The following C9orf50 variants were observed in gnomAD, a reference collection of about 807,000 sequenced individuals.
C9orf50 encodes the protein uncharacterized protein C9orf50.
C9orf50 carries 33 observed loss-of-function variants against 42.5 expected under a neutral mutation model. The observed-to-expected ratio is 0.78, with a 90% confidence interval of 0.59 to 1.04. The LOEUF (loss-of-function observed/expected upper bound fraction) is 1.04, where lower values mean the gene tolerates loss of function less well. C9orf50 is among the 50% of genes least tolerant of loss of function. The pLI, the probability that C9orf50 is intolerant of heterozygous loss-of-function variation, is 0.00. For synonymous variants in C9orf50, 257 were observed against 273.4 expected (o/e 0.94, Z 0.59); for missense variants, 547 against 594.3 (o/e 0.92, Z 0.83).
At chr9:129,617,942 C>T (rs963719493) in intron 3 of C9orf50, among the ~76,000 whole-genome samples, 14 of 152,204 alleles carry the variant, frequency 9.2e-5, no homozygotes, top group African/African-American at 3.4e-4. Context: ...CCTCAGCCTC[C>T]CAAAGCACTG....
rs1259489797 is a variant in C9orf50, at chr9:129,613,440, A to G, written c.1038T>C (p.Ala346=). Residue 346 remains alanine (A), a synonymous_variant, in exon 5 of 7, where the codon GCT becomes GCC. Coordinates refer to ENST00000372478, the Ensembl canonical transcript of C9orf50. The surrounding 1 kb of genome is among the most constrained non-coding windows in gnomAD (Gnocchi z 6.2). Reference sequence around the variant, plus strand: ...CCGCTTCCCTGGAGCCTCACAGGCCAGCGCAGTCCCAACACGAGGAGCTGG... The same window carrying G: ...CCGCTTCCCTGGAGCCTCACAGGCCGGCGCAGTCCCAACACGAGGAGCTGG... 3.7e-6 allele frequency: 6 copies of G among 1,613,812 alleles called. No individual in the cohort carries two copies. The highest frequency in any genetic ancestry group is 5.1e-6 in the Non-Finnish European group (6 of 1,180,014).
intron 3 of C9orf50, among the ~76,000 whole-genome samples, chr9:129,618,854 G>A (rs1405791808): frequency 1.1e-4 from 15 of 141,046 alleles, no homozygotes; most frequent in Admixed American, 3.7e-4. Flanking sequence ...CACCACGCCC[G>A]GCTAATTTTT....
rs1229495848 is a variant in C9orf50, at chr9:129,620,092, C to T, written c.483G>A (p.Lys161=). Residue 161 remains lysine (K), a synonymous_variant, in exon 1 of 7, where the codon AAG becomes AAA. Coordinates refer to ENST00000372478, the Ensembl canonical transcript of C9orf50. The surrounding 1 kb of genome is among the most constrained non-coding windows in gnomAD (Gnocchi z 5.8). ...TCAGTGGCTCCGGCTCCTCGGCGCA[C>T]TTCTCCTGGAGCTGGTGCAGGAACT... 6.9e-7 allele frequency: 1 copy of T among 1,451,508 alleles called. No individual in the cohort carries two copies. Among genetic ancestry groups the T allele is most frequent in the African/African-American group, 1.4e-5 (1 of 69,530 alleles). 89.9% of individuals were successfully genotyped at this position (1,451,508 alleles called of 1,614,324 possible).
Position 129,613,567 on chromosome 9 carries a change from G to A in C9orf50, c.911C>T (p.Ala304Val), listed in dbSNP as rs1024080988. The A allele has an allele frequency of 8.1e-6, 13 of 1,614,142 alleles. No homozygotes were observed. ...CCGCTCGGACGCCACTGGCAGGGCG[G>A]CCTTCTGGTTCACAATGACGCTCTG... The change falls in exon 5 of 7, where the codon GCC becomes GTC. Residue 304 changes from alanine (A) to valine (V), a missense_variant. This residue lies in a region of C9orf50 where 334 missense variants were observed against 323.7 expected (regional missense o/e 1.03). Coordinates refer to ENST00000372478, the Ensembl canonical transcript of C9orf50. The surrounding 1 kb of genome is among the most constrained non-coding windows in gnomAD (Gnocchi z 6.2).
chr9:129,621,740 G>A (rs1389736657), upstream of C9orf50, among the ~76,000 whole-genome samples: 2 of 152,076 alleles, frequency 1.3e-5, no homozygotes, highest in Non-Finnish European at 2.9e-5. Context: ...CTGACACTGA[G>A]GGGTTTCTAA....
upstream of C9orf50, chr9:129,620,923 A>C: frequency 4.4e-6 from 1 of 228,238 alleles, no homozygotes; most frequent in Non-Finnish European, 8.5e-6. This position sits in a 1 kb window ranked among gnomAD's most constrained non-coding sequence, Gnocchi z 5.8. Context: ...TAGTATTTCA[A>C]AGTTATTATT....
rs992176585 is a variant in C9orf50 at position 129,614,444 on chromosome 9, G to C, written c.881-847C>G. Among the ~76,000 whole-genome samples the C allele has an allele frequency of 6.6e-6, 1 of 152,220 alleles. No individual in the cohort carries two copies. The highest frequency in any genetic ancestry group is 2.4e-5 in the African/African-American group (1 of 41,452). The stretch of plus-strand genomic sequence containing the variant: ...CAGACATTTCCTGAAACTGCACATA[G>C]TGGGTGCTCAATAAACAGCTAGAGG... On this transcript the variant is annotated intron_variant, in intron 4 of 6. Transcript: ENST00000372478. This position sits in a 1 kb window ranked among gnomAD's most constrained non-coding sequence, Gnocchi z 4.4.
At chr9:129,615,719 C>T (rs1231686239) in intron 3 of C9orf50, 72 bp from the exon 4 acceptor site, 2 of 1,439,790 alleles carry the variant, frequency 1.4e-6, no homozygotes, top group Non-Finnish European at 1.8e-6. Context: ...CAGCCCCAGA[C>T]TCGCTGTGAG....
At position 129,614,267 on chromosome 9, in the gene C9orf50, C is replaced by A. The variant is rs900775633; in HGVS notation, c.881-670G>T. ...ACACAAGCCCATCCTGCTTCTGGGG[C>A]CTTGGTTTCCCCACCAAACAAACAG... On this transcript the variant is annotated intron_variant, in intron 4 of 6. Coordinates refer to ENST00000372478, the Ensembl canonical transcript of C9orf50. This position sits in a 1 kb window ranked among gnomAD's most constrained non-coding sequence, Gnocchi z 4.4. 4.6e-5 allele frequency among the ~76,000 whole-genome samples: 7 copies of A among 152,214 alleles called. No homozygotes were observed. The highest frequency in any genetic ancestry group is 4.6e-4 in the Admixed American group (7 of 15,276).
chr9:129,615,564 T>C (rs770129605), exon 4 of C9orf50: 2 of 1,609,882 alleles, frequency 1.2e-6, no homozygotes. Context: ...AGGGCAACGC[T>C]GCCTGCAGGG....
chr9:129,620,778 G>C, upstream of C9orf50: 1 of 432,398 alleles, frequency 2.3e-6, no homozygotes, highest in Non-Finnish European at 3.9e-6. This position sits in a 1 kb window ranked among gnomAD's most constrained non-coding sequence, Gnocchi z 5.8. Flanking sequence ...CTGAAAAATG[G>C]TGACAGCAAG....
chr9:129,613,582 A>G lies in C9orf50; in HGVS notation c.896T>C (p.Ile299Thr), dbSNP rs956519022. 1.3e-5 allele frequency: 21 copies of G among 1,613,972 alleles called. No individual in the cohort carries two copies. The highest frequency in any genetic ancestry group is 1.8e-5 in the Non-Finnish European group (21 of 1,180,010). The stretch of plus-strand genomic sequence containing the variant: ...TGGCAGGGCGGCCTTCTGGTTCACA[A>G]TGACGCTCTGTTGGACTGCAGGAAA... Residue 299 changes from isoleucine (I) to threonine (T), a missense_variant, in exon 5 of 7, where the codon ATT (isoleucine) becomes ACT (threonine). Coordinates refer to ENST00000372478, the Ensembl canonical transcript of C9orf50. The surrounding 1 kb of genome is among the most constrained non-coding windows in gnomAD (Gnocchi z 6.2).
In C9orf50 at chr9:129,613,009, C is replaced by A. The variant is rs1830162553; in HGVS notation, c.1188+98G>T. 1 of 1,514,176 alleles carries A rather than the reference C, an allele frequency of 6.6e-7. No individual in the cohort carries two copies. The highest frequency in any genetic ancestry group is 2.4e-5 in the East Asian group (1 of 42,516). 93.8% of individuals were successfully genotyped at this position (1,514,176 alleles called of 1,614,324 possible). ...CTTGGCTCTCAGGGAGGGTCCACTC[C>A]CAGCCCCAGCCACTCCACCAAACAG... On this transcript the variant is annotated intron_variant, in intron 6 of 6. Coordinates refer to ENST00000372478, the Ensembl canonical transcript of C9orf50. The surrounding 1 kb of genome is among the most constrained non-coding windows in gnomAD (Gnocchi z 6.2).
intron 3 of C9orf50, among the ~76,000 whole-genome samples, chr9:129,618,288 A>G (rs1830490025): frequency 6.6e-6 from 1 of 152,140 alleles, no homozygotes; most frequent in South Asian, 2.1e-4. Context: ...GTAGGTTCCA[A>G]TTCCTAGGCT....
At position 129,619,710 on chromosome 9, in the gene C9orf50, G is replaced by A. The variant is rs41278712; in HGVS notation, c.599+30C>T. The A allele has an allele frequency of 8.4e-3, 13,498 of 1,612,562 alleles. 329 individuals carry two copies. Among genetic ancestry groups the A allele is most frequent in the East Asian group, 0.075 (3,355 of 44,852 alleles). ...CCCTGGAAACATCGATGGCAACCCCGTCCCCACCAAGAAGCGGACTGACGC... is the reference window on the plus strand; with the variant it reads ...CCCTGGAAACATCGATGGCAACCCCATCCCCACCAAGAAGCGGACTGACGC... On this transcript the variant is annotated intron_variant, in intron 2 of 6. Coordinates refer to ENST00000372478, the Ensembl canonical transcript of C9orf50.
chr9:129,613,317 G>A lies in C9orf50; in HGVS notation c.1044-66C>T. Reference sequence around the variant, plus strand: ...TCCCCGGCCCACCCATGGCTGGCAGGGCCCTTGAGGACCCACACTGGCAAC... The same window carrying A: ...TCCCCGGCCCACCCATGGCTGGCAGAGCCCTTGAGGACCCACACTGGCAAC... On this transcript the variant is annotated intron_variant, in intron 5 of 6. Coordinates refer to ENST00000372478, the Ensembl canonical transcript of C9orf50. This position sits in a 1 kb window ranked among gnomAD's most constrained non-coding sequence, Gnocchi z 6.2. 6.4e-7 allele frequency: 1 copy of A among 1,564,068 alleles called. No individual in the cohort carries two copies. Among genetic ancestry groups the A allele is most frequent in the Non-Finnish European group, 8.7e-7 (1 of 1,154,138 alleles).
chr9:129,620,350 G>C lies in C9orf50; in HGVS notation c.225C>G (p.Arg75=), dbSNP rs571561788. 2.4e-6 allele frequency: 3 copies of C among 1,228,898 alleles called. No homozygotes were observed. Among genetic ancestry groups the C allele is most frequent in the Non-Finnish European group, 3.0e-6 (3 of 985,976 alleles). The allele number at this position is 1,228,898 out of a possible 1,614,324, so 76.1% of individuals were successfully genotyped here. The stretch of plus-strand genomic sequence containing the variant: ...GCAAGGCGGGCAGGCGCGGCGGGAG[G>C]CGTCCGACGCCCACCCCGGGCTTGG... The change falls in exon 1 of 7, where the codon CGC becomes CGG. Residue 75 remains arginine, a synonymous_variant. Coordinates refer to ENST00000372478, the Ensembl canonical transcript of C9orf50. This position sits in a 1 kb window ranked among gnomAD's most constrained non-coding sequence, Gnocchi z 5.8.
At chr9:129,619,547 T>A in exon 3 of C9orf50, 9 of 1,614,002 alleles carry the variant, frequency 5.6e-6, no homozygotes, top group Non-Finnish European at 7.6e-6. Context: ...AGTGGTGAAT[T>A]GTGAGTGATC....
upstream of C9orf50, among the ~76,000 whole-genome samples, chr9:129,621,574 C>T (rs1275213856): frequency 1.3e-5 from 2 of 152,158 alleles, no homozygotes; most frequent in Admixed American, 6.5e-5. Context: ...ATTTATGTTG[C>T]ACGGGCTGGT....
Sources: allele counts gnomAD v4.1 joint callset (sites outside exome capture counted in the v4.1 genomes callset), GRCh38; gene constraint gnomAD v4.1.1; regional missense constraint gnomAD v4.1.1; non-coding constraint Gnocchi (gnomAD v3.1); transcripts MANE v1.5; gene names NCBI Gene and HGNC (gene_info 2026-07-23, HGNC 2026-07-21).